PRKAR1B: variants seen among roughly 807,000 people sequenced by gnomAD.
The protein encoded by PRKAR1B is cAMP-dependent protein kinase type I-beta regulatory subunit.
A neutral mutation model predicts 46.5 loss-of-function variants in PRKAR1B; 22 were observed. The ratio of observed to expected loss-of-function variants is 0.47; its 90% CI spans 0.34 to 0.68. The LOEUF is 0.68. Among genes scored for constraint, PRKAR1B ranks in the 30% least tolerant of loss-of-function variants. PRKAR1B has a pLI of 0.01. For synonymous variants in PRKAR1B, 259 were observed against 217.7 expected (o/e 1.19, Z -1.67); for missense variants, 445 against 535.6 (o/e 0.83, Z 1.67).
intron 6 of PRKAR1B, among the ~76,000 whole-genome samples, 155 bp from the exon 7 acceptor site, chr7:596,459 C>T (rs1486822746): frequency 6.6e-6 from 1 of 152,226 alleles, no homozygotes; most frequent in Non-Finnish European, 1.5e-5. Context: ...CTGCGTTCCC[C>T]AGCAATGGGC....
intron 4 of PRKAR1B, among the ~76,000 whole-genome samples, chr7:671,246 C>A (rs962476673): frequency 6.6e-6 from 1 of 152,320 alleles, no homozygotes; most frequent in East Asian, 1.9e-4. Context: ...GTCATTTGGC[C>A]AGAGCCGGGC....
chr7:604,158 G>A (rs551389302), intron 6 of PRKAR1B, among the ~76,000 whole-genome samples: 27 of 152,336 alleles, frequency 1.8e-4, no homozygotes, highest in Admixed American at 1.6e-3. Context: ...CAGGCACAAC[G>A]GGGCCACCTC....
chr7:643,654 G>A (rs1188718616), intron 4 of PRKAR1B, among the ~76,000 whole-genome samples: 2 of 147,320 alleles, frequency 1.4e-5, no homozygotes, highest in African/African-American at 5.3e-5. Flanking sequence ...CTGGGGAGGT[G>A]GAGGTTGCAG....
chr7:584,445 C>A, intron 8 of PRKAR1B, 63 bp downstream of exon 8: 2 of 1,448,972 alleles, frequency 1.4e-6, no homozygotes, highest in Non-Finnish European at 9.7e-7. Flanking sequence ...GGGAAGAGGC[C>A]GGGGTGGCCA....
chr7:698,659 A>C (rs899083582), intron 2 of PRKAR1B, among the ~76,000 whole-genome samples: 1 of 151,924 alleles, frequency 6.6e-6, no homozygotes, highest in Non-Finnish European at 1.5e-5. Context: ...CACCCCTTAC[A>C]TCCACCACTC....
intron 4 of PRKAR1B, among the ~76,000 whole-genome samples, chr7:632,422 G>A (rs1239853248): frequency 3.9e-5 from 6 of 152,196 alleles, no homozygotes; most frequent in South Asian, 2.1e-4. Flanking sequence ...CCCCCGAGCC[G>A]CAGGCTCCAC....
intron 2 of PRKAR1B, among the ~76,000 whole-genome samples, chr7:684,115 C>A (rs182554879): frequency 6.6e-6 from 1 of 151,582 alleles, no homozygotes; most frequent in East Asian, 1.9e-4. Context: ...CACCAATGCC[C>A]ACCTCTACGT....
intron 4 of PRKAR1B, among the ~76,000 whole-genome samples, chr7:634,253 ACCTTGTGAT>A (rs1783917220): frequency 6.6e-6 from 1 of 151,710 alleles, no homozygotes; most frequent in African/African-American, 2.4e-5. Flanking sequence ...CGAACTCCTG[ACCTTGTGAT>A]CCGCCCGCCT....
chr7:616,470 G>A (rs1326487345), intron 4 of PRKAR1B, among the ~76,000 whole-genome samples: 1 of 152,260 alleles, frequency 6.6e-6, no homozygotes, highest in Non-Finnish European at 1.5e-5. Flanking sequence ...AACAGTGATG[G>A]AGCCCAGGGT....
At chr7:627,971 G>T (rs890639208) in intron 4 of PRKAR1B, among the ~76,000 whole-genome samples, 2 of 151,992 alleles carry the variant, frequency 1.3e-5, no homozygotes, top group Admixed American at 1.3e-4. Flanking sequence ...GAATGGGTGG[G>T]GCCCTTCTGA....
intron 4 of PRKAR1B, among the ~76,000 whole-genome samples, chr7:629,148 C>T (rs573938252): frequency 1.1e-4 from 16 of 152,246 alleles, no homozygotes; most frequent in Admixed American, 5.9e-4. Context: ...GGACAGGGCA[C>T]GTTTTCCAGA....
At chr7:579,133 G>A (rs1269997368) in intron 9 of PRKAR1B, 123 bp downstream of exon 9, 54 of 1,575,064 alleles carry the variant, frequency 3.4e-5, no homozygotes, top group East Asian at 9.0e-5. Context: ...CCGGACGGGC[G>A]TGCGGTCACA....
At chr7:680,419 C>T (rs767885135) in intron 3 of PRKAR1B, 137 bp downstream of exon 3, 12 of 910,352 alleles carry the variant, frequency 1.3e-5, no homozygotes, top group African/African-American at 3.4e-5. Context: ...CCATCACCCA[C>T]ATAGTCCTCC....
At chr7:578,952 G>T in intron 9 of PRKAR1B, 2 of 1,104,490 alleles carry the variant, frequency 1.8e-6, no homozygotes, top group Non-Finnish European at 2.3e-6. Flanking sequence ...ACAGTGCTGG[G>T]ATGACAGGCG....
chr7:656,392 G>A (rs1395732280), intron 4 of PRKAR1B, among the ~76,000 whole-genome samples: 1 of 152,170 alleles, frequency 6.6e-6, no homozygotes, highest in Non-Finnish European at 1.5e-5. Context: ...TAGATGAATA[G>A]ATGAAGAAAT....
In PRKAR1B at chr7:585,452, C is replaced by T. The variant is rs145725372; in HGVS notation, c.709-884G>A. ...GAGTCCACCCGGACAGCAGCAAGCTCGACTTTGCTAAAATTCAAATGGTAT... is the reference window on the plus strand; with the variant it reads ...GAGTCCACCCGGACAGCAGCAAGCTTGACTTTGCTAAAATTCAAATGGTAT... On this transcript the variant is annotated intron_variant, in intron 7 of 10. Coordinates refer to ENST00000537384, the MANE Select transcript of PRKAR1B (RefSeq NM_001164760.2). 4.2e-3 allele frequency among the ~76,000 whole-genome samples: 642 copies of T among 152,300 alleles called. 10 individuals carry two copies. Among genetic ancestry groups the T allele is most frequent in the African/African-American group, 0.014 (562 of 41,568 alleles).
At chr7:710,825 G>C (rs1403285615) in intron 2 of PRKAR1B, among the ~76,000 whole-genome samples, 1 of 151,890 alleles carries the variant, frequency 6.6e-6, no homozygotes, top group East Asian at 1.9e-4. Context: ...TGTATTTTTA[G>C]TAGAGAGGGG....
intron 2 of PRKAR1B, among the ~76,000 whole-genome samples, chr7:690,587 A>G (rs535738755): frequency 1.3e-5 from 2 of 152,336 alleles, no homozygotes; most frequent in African/African-American, 4.8e-5. Flanking sequence ...TTAACACAAC[A>G]CAAACAAATT....
At chr7:725,030 C>G (rs80240012) in intron 1 of PRKAR1B, among the ~76,000 whole-genome samples, 17 of 152,058 alleles carry the variant, frequency 1.1e-4, no homozygotes, top group African/African-American at 4.1e-4. Flanking sequence ...CTGGCTAACA[C>G]AGTGAAACCC....
Sources: allele counts gnomAD v4.1 joint callset (sites outside exome capture counted in the v4.1 genomes callset), GRCh38; gene constraint gnomAD v4.1.1; transcripts MANE v1.5; gene names NCBI Gene and HGNC (gene_info 2026-07-23, HGNC 2026-07-21).